Variants in B3GLCT observed in about 807,000 individuals in gnomAD.
B3GLCT encodes beta-1,3-glucosyltransferase.
Under a neutral mutation model 63.4 loss-of-function variants are expected in B3GLCT, and 65 were observed. The observed-to-expected ratio is 1.03, with a 90% confidence interval of 0.84 to 1.26. B3GLCT has a LOEUF of 1.26. Ranked by LOEUF, B3GLCT falls within the 50% of genes most tolerant of loss-of-function variation. The probability of loss-of-function intolerance (pLI) is 0.00; values close to 1 mark genes in which losing one functional copy is unlikely to be tolerated. For synonymous variants in B3GLCT, 233 were observed against 219.2 expected (o/e 1.06, Z -0.55); for missense variants, 577 against 604.8 (o/e 0.95, Z 0.48).
chr13:31,251,018 A>G (rs1335666837), intron 6 of B3GLCT, among the ~76,000 whole-genome samples: 1 of 152,268 alleles, frequency 6.6e-6, no homozygotes, highest in Middle Eastern at 3.4e-3. Flanking sequence ...AGAGGAAGGA[A>G]CAGGCAGCAA....
At chr13:31,271,983 T>G (rs997273108) in intron 8 of B3GLCT, among the ~76,000 whole-genome samples, 2 of 152,276 alleles carry the variant, frequency 1.3e-5, no homozygotes, top group East Asian at 3.9e-4. Context: ...TGTTAGCATT[T>G]TTTGGTTGTT....
intron 3 of B3GLCT, among the ~76,000 whole-genome samples, chr13:31,224,265 C>T (rs1869979727): frequency 6.6e-6 from 1 of 152,132 alleles, no homozygotes; most frequent in Non-Finnish European, 1.5e-5. Flanking sequence ...ATTTTCTTCC[C>T]TGCTACCAAC....
intron 10 of B3GLCT, among the ~76,000 whole-genome samples, chr13:31,277,681 AG>A (rs1411811582): frequency 2.0e-5 from 3 of 152,166 alleles, no homozygotes; most frequent in East Asian, 1.9e-4. Context: ...TATATTTTAC[AG>A]GGGAAGATGT....
intron 12 of B3GLCT, among the ~76,000 whole-genome samples, chr13:31,290,060 C>A (rs767469674): frequency 3.9e-5 from 6 of 152,114 alleles, no homozygotes; most frequent in Non-Finnish European, 7.4e-5. Flanking sequence ...ATGTTCCCCT[C>A]CCTGTGTCCA....
At chr13:31,328,532 T>G (rs575951434) in intron 14 of B3GLCT, among the ~76,000 whole-genome samples, 259 of 151,682 alleles carry the variant, frequency 1.7e-3, no homozygotes, top group Admixed American at 3.1e-3. Flanking sequence ...CCGTCTCCAC[T>G]AAATACAAAA....
intron 11 of B3GLCT, among the ~76,000 whole-genome samples, chr13:31,285,547 A>AT (rs1873277854): frequency 1.4e-5 from 2 of 148,062 alleles, no homozygotes; most frequent in South Asian, 4.2e-4. Context: ...AGTTTTATCC[A>AT]GTGTTCCTGC....
rs891567428 is a variant in B3GLCT at position 31,329,873 on chromosome 13, A to G, written c.*205A>G. 6 of 602,198 alleles carry G rather than the reference A, an allele frequency of 1.0e-5. No individual in the cohort carries two copies. The African/African-American group carries it at 1.1e-4, about 11-fold the overall frequency. 37.3% of individuals were successfully genotyped at this position (602,198 alleles called of 1,614,324 possible). A position where few individuals can be genotyped will look rare whatever the true frequency, so the allele number is the denominator to read the frequency against. ...AACATTTTTTTTTCTGGGAAAAATC[A>G]CTTGCTTTTGACTTATGCAGTTGTT... On this transcript the variant is annotated 3_prime_UTR_variant, in exon 15 of 15. Transcript: ENST00000343307.
At chr13:31,212,810 C>T (rs1237939483) in intron 1 of B3GLCT, among the ~76,000 whole-genome samples, 3 of 152,182 alleles carry the variant, frequency 2.0e-5, no homozygotes, top group African/African-American at 7.2e-5. Flanking sequence ...TTCTGTGGTG[C>T]TAAGATATGT....
chr13:31,222,519 C>A (rs947055068), intron 2 of B3GLCT, among the ~76,000 whole-genome samples: 1 of 152,180 alleles, frequency 6.6e-6, no homozygotes, highest in Admixed American at 6.5e-5. Context: ...TGATAAAGTG[C>A]AATAATTAGT....
intron 4 of B3GLCT, among the ~76,000 whole-genome samples, chr13:31,240,148 T>C (rs1268824416): frequency 6.6e-6 from 1 of 151,938 alleles, no homozygotes; most frequent in African/African-American, 2.4e-5. Context: ...TAAAAAAAAA[T>C]CAGAAGTCAG....
At chr13:31,259,906 T>G (rs1482505569) in intron 6 of B3GLCT, among the ~76,000 whole-genome samples, 2 of 152,176 alleles carry the variant, frequency 1.3e-5, no homozygotes, top group Non-Finnish European at 1.5e-5. Flanking sequence ...TTCTGATGGC[T>G]TCAATCATTT....
At chr13:31,260,137 T>C (rs1871954632) in intron 6 of B3GLCT, among the ~76,000 whole-genome samples, 1 of 152,216 alleles carries the variant, frequency 6.6e-6, no homozygotes, top group African/African-American at 2.4e-5. Flanking sequence ...GGATTTCTTT[T>C]TTCATTGACT....
chr13:31,264,052 T>A (rs1018329543), intron 7 of B3GLCT, among the ~76,000 whole-genome samples: 1 of 152,198 alleles, frequency 6.6e-6, no homozygotes, highest in Non-Finnish European at 1.5e-5. Flanking sequence ...CTTTCCTTCT[T>A]GCTGTGTCCC....
At chr13:31,324,525 A>G (rs1875508627) in intron 14 of B3GLCT, among the ~76,000 whole-genome samples, 1 of 152,176 alleles carries the variant, frequency 6.6e-6, no homozygotes, top group Non-Finnish European at 1.5e-5. Context: ...TATGTTTAGT[A>G]TCTTTTAAGA....
chr13:31,223,978 G>A (rs986347739), intron 3 of B3GLCT, among the ~76,000 whole-genome samples: 2 of 152,290 alleles, frequency 1.3e-5, no homozygotes, highest in African/African-American at 2.4e-5. Context: ...GACCTGGAAG[G>A]CGAGCTCTAG....
chr13:31,324,859 C>G, intron 14 of B3GLCT, among the ~76,000 whole-genome samples: 1 of 152,158 alleles, frequency 6.6e-6, no homozygotes, highest in South Asian at 2.1e-4. Context: ...CGCACACCGC[C>G]ATGCCTGGCT....
chr13:31,264,615 A>G (rs748167957), intron 7 of B3GLCT, among the ~76,000 whole-genome samples: 56 of 152,226 alleles, frequency 3.7e-4, no homozygotes, highest in Non-Finnish European at 7.2e-4. Flanking sequence ...TAGCATAGCA[A>G]CTATCTTGTG....
rs1875884935 is a variant in B3GLCT, at chr13:31,330,808, A to C, written c.*1140A>C. On this transcript the variant is annotated 3_prime_UTR_variant, in exon 15 of 15. Transcript: ENST00000343307. ...TTTGCATAAAATTTAATATGTCTTA[A>C]ACTAATTTTGGTAAATTACTTCTTT... The C allele has an allele frequency of 6.6e-6, 1 of 152,122 alleles. No homozygotes were observed. The highest frequency in any genetic ancestry group is 1.5e-5 in the Non-Finnish European group (1 of 68,022). The allele number at this position is 152,122 out of a possible 1,614,324, so 9.4% of individuals were successfully genotyped here.
chr13:31,272,218 C>CTTTTT (rs11433454), intron 8 of B3GLCT, among the ~76,000 whole-genome samples: 5 of 136,248 alleles, frequency 3.7e-5, no homozygotes, highest in African/African-American at 1.4e-4. Flanking sequence ...TCTATTTTTC[C>CTTTTT]TTTTTTTTTT....
Sources: gnomAD v4.1 joint callset for allele counts (sites outside exome capture counted in the v4.1 genomes callset) on GRCh38, gnomAD v4.1.1 for gene constraint, MANE v1.5 for transcripts, NCBI Gene and HGNC (gene_info 2026-07-23, HGNC 2026-07-21) for gene names.